Variants in BCL2 observed in about 807,000 individuals in gnomAD.
The protein encoded by BCL2 is apoptosis regulator Bcl-2.
A neutral mutation model predicts 14.2 loss-of-function variants in BCL2; 1 was observed. The observed-to-expected ratio is 0.07, with a 90% CI of 0.02 to 0.33. BCL2 has a LOEUF of 0.33. Ranked by LOEUF, BCL2 falls within the 10% of genes least tolerant of loss-of-function variation. The probability of loss-of-function intolerance (pLI) is 0.99; values close to 1 mark genes in which losing one functional copy is unlikely to be tolerated. For synonymous variants in BCL2, 151 were observed against 137.2 expected (o/e 1.10, Z -0.70); for missense variants, 247 against 305.9 (o/e 0.81, Z 1.44).
At chr18:63,174,820 CAAA>C (rs953107518) in intron 2 of BCL2, among the ~76,000 whole-genome samples, 52 of 72,242 alleles carry the variant, frequency 7.2e-4, no homozygotes, top group African/African-American at 1.9e-3. Context: ...GACTTTGTCT[CAAA>C]AAAAAAAAAA....
At chr18:63,163,236 A>G (rs1914966501) in intron 2 of BCL2, among the ~76,000 whole-genome samples, 1 of 152,208 alleles carries the variant, frequency 6.6e-6, no homozygotes, top group Non-Finnish European at 1.5e-5. Context: ...AGCTCAGCTC[A>G]TCCCACCTGA....
At chr18:63,182,126 T>G (rs558645137) in intron 2 of BCL2, among the ~76,000 whole-genome samples, 101 of 152,330 alleles carry the variant, frequency 6.6e-4, no homozygotes, top group Non-Finnish European at 1.2e-3. Context: ...GCAAACACAG[T>G]GAAATCACTT....
chr18:63,265,040 C>A (rs753529760), intron 2 of BCL2, among the ~76,000 whole-genome samples: 1 of 152,290 alleles, frequency 6.6e-6, no homozygotes, highest in South Asian at 2.1e-4. Flanking sequence ...AGAACAGCTG[C>A]GTGGCAAGTG....
intron 2 of BCL2, among the ~76,000 whole-genome samples, chr18:63,221,023 G>A (rs369449488): frequency 1.3e-5 from 2 of 152,262 alleles, no homozygotes; most frequent in African/African-American, 4.8e-5. Flanking sequence ...AACAAGCATT[G>A]GATCTTGGTG....
chr18:63,304,973 T>C (rs1177072930), intron 2 of BCL2, among the ~76,000 whole-genome samples: 1 of 152,192 alleles, frequency 6.6e-6, no homozygotes, highest in Admixed American at 6.5e-5. Context: ...TGGCCCCTGT[T>C]GAAAGGGGCT....
intron 2 of BCL2, among the ~76,000 whole-genome samples, chr18:63,199,279 CAG>C (rs1209493832): frequency 6.7e-6 from 1 of 149,492 alleles, no homozygotes; most frequent in South Asian, 2.1e-4. Context: ...ACAACACACA[CAG>C]ACACATGCAC....
At chr18:63,214,556 C>A (rs967444579) in intron 2 of BCL2, among the ~76,000 whole-genome samples, 1 of 151,680 alleles carries the variant, frequency 6.6e-6, no homozygotes, top group East Asian at 1.9e-4. Context: ...GAGCTTTTGA[C>A]AAAAACTATA....
intron 2 of BCL2, among the ~76,000 whole-genome samples, chr18:63,184,356 T>C (rs1421318361): frequency 6.6e-6 from 1 of 152,274 alleles, no homozygotes; most frequent in African/African-American, 2.4e-5. Context: ...CAAGCATGAA[T>C]ATTAATCTGA....
intron 2 of BCL2, among the ~76,000 whole-genome samples, chr18:63,199,509 CACAGAG>C (rs1178392653): frequency 6.6e-6 from 1 of 151,364 alleles, no homozygotes; most frequent in African/African-American, 2.4e-5. Context: ...CATACACAGA[CACAGAG>C]ACACACACAA....
intron 2 of BCL2, among the ~76,000 whole-genome samples, chr18:63,276,673 A>G (rs998812581): frequency 1.7e-4 from 26 of 152,232 alleles, no homozygotes; most frequent in South Asian, 6.2e-4. Flanking sequence ...TCACATCACT[A>G]AAGTCAACAC....
At chr18:63,151,579 T>C (rs17756365) in intron 2 of BCL2, among the ~76,000 whole-genome samples, 7,053 of 151,914 alleles carry the variant, frequency 0.046, 262 homozygotes, top group African/African-American at 0.11. Context: ...GGAATGCTAA[T>C]GGCTTGGCCC....
chr18:63,305,446 A>T (rs975728840), intron 2 of BCL2, among the ~76,000 whole-genome samples: 1 of 152,182 alleles, frequency 6.6e-6, no homozygotes, highest in Non-Finnish European at 1.5e-5. Context: ...TTACATGGGC[A>T]TAAACAAATA....
chr18:63,131,673 C>CT (rs1811583728), intron 2 of BCL2, among the ~76,000 whole-genome samples: 1 of 152,230 alleles, frequency 6.6e-6, no homozygotes, highest in African/African-American at 2.4e-5. Context: ...TGTCAGGGCA[C>CT]TGGCAATAGG....
intron 1 of BCL2, 90 bp from the exon 2 acceptor site, chr18:63,319,042 C>A: frequency 1.8e-6 from 2 of 1,100,698 alleles, no homozygotes. Context: ...ATACACACTA[C>A]AAGTAACACG....
At chr18:63,152,243 A>G (rs1914668676) in intron 2 of BCL2, among the ~76,000 whole-genome samples, 1 of 152,226 alleles carries the variant, frequency 6.6e-6, no homozygotes, top group Non-Finnish European at 1.5e-5. Context: ...AGTTCTTTAG[A>G]AACATGCATT....
intron 2 of BCL2, among the ~76,000 whole-genome samples, chr18:63,199,877 A>G (rs1045216046): frequency 2.0e-5 from 3 of 151,954 alleles, no homozygotes; most frequent in African/African-American, 7.3e-5. Context: ...ACCACCACAC[A>G]TGGGGTAAAT....
At position 63,318,522 on chromosome 18, in the gene BCL2, A is replaced by T; in HGVS notation, c.145T>A (p.Phe49Ile). Residue 49 changes from phenylalanine (F) to isoleucine (I), a missense_variant, in exon 2 of 3, where the codon TTC becomes ATC. Phe to Ile is a conservative substitution (Grantham distance 21). This residue lies in a region of BCL2 where 144 missense variants were observed against 135.3 expected (regional missense o/e 1.06). Coordinates refer to ENST00000333681, the MANE Select transcript of BCL2 (RefSeq NM_000633.3). This position sits in a 1 kb window ranked among gnomAD's most constrained non-coding sequence, Gnocchi z 7.4. ...GGCGTGTGCCCGGGCTGGGAGGAGAAGATGCCCGGTGCGGGGGCGGCCCCC... is the reference window on the plus strand; with the variant it reads ...GGCGTGTGCCCGGGCTGGGAGGAGATGATGCCCGGTGCGGGGGCGGCCCCC... ...PPGAAPAPGIFSSQPGHTPHP... is the reference protein window; with the variant it reads ...PPGAAPAPGIISSQPGHTPHP... 1 of 1,572,866 alleles carries T rather than the reference A, an allele frequency of 6.4e-7. No homozygotes were observed. Among genetic ancestry groups the T allele is most frequent in the East Asian group, 2.4e-5 (1 of 41,252 alleles).
intron 2 of BCL2, among the ~76,000 whole-genome samples, chr18:63,252,914 G>A (rs2144210825): frequency 6.6e-6 from 1 of 152,312 alleles, no homozygotes; most frequent in South Asian, 2.1e-4. Flanking sequence ...TAGGTAGCAA[G>A]CAGAAAGTAG....
intron 2 of BCL2, among the ~76,000 whole-genome samples, chr18:63,243,362 G>A (rs1038077841): frequency 2.0e-5 from 3 of 152,128 alleles, no homozygotes; most frequent in Non-Finnish European, 4.4e-5. Context: ...GGACCTATCA[G>A]AGGATGAAGG....
Sources: allele counts gnomAD v4.1 joint callset (sites outside exome capture counted in the v4.1 genomes callset), GRCh38; gene constraint gnomAD v4.1.1; regional missense constraint gnomAD v4.1.1; non-coding constraint Gnocchi (gnomAD v3.1); transcripts MANE v1.5; gene names NCBI Gene and HGNC (gene_info 2026-07-23, HGNC 2026-07-21).